SYNPR: variants seen among roughly 807,000 people sequenced by gnomAD.
SYNPR encodes the protein synaptoporin.
In SYNPR, 23 loss-of-function variants were observed where a neutral mutation model predicts 32.9. The observed-to-expected ratio is 0.70, with a 90% CI of 0.50 to 0.99. The LOEUF is 0.99. SYNPR is among the 50% of genes least tolerant of loss of function. The pLI, the probability that SYNPR is intolerant of heterozygous loss-of-function variation, is 0.00. For synonymous variants in SYNPR, 146 were observed against 135.9 expected, an observed-to-expected ratio of 1.07 and a Z score of -0.52; for missense variants, 318 against 349.3, an observed-to-expected ratio of 0.91 and a Z score of 0.71.
intron 3 of SYNPR, among the ~76,000 whole-genome samples, chr3:63,518,972 G>T (rs1358153317): frequency 6.6e-6 from 1 of 152,084 alleles, no homozygotes; most frequent in Non-Finnish European, 1.5e-5. Flanking sequence ...TAACATCAAG[G>T]GATGATGAAT....
intron 2 of SYNPR, among the ~76,000 whole-genome samples, chr3:63,435,828 C>G (rs538823133): frequency 6.6e-6 from 1 of 152,122 alleles, no homozygotes; most frequent in Admixed American, 6.5e-5. Flanking sequence ...GTTCATATAC[C>G]TACCTTTATA....
chr3:63,454,227 T>C (rs544785443), intron 2 of SYNPR, among the ~76,000 whole-genome samples: 1 of 152,268 alleles, frequency 6.6e-6, no homozygotes, highest in African/African-American at 2.4e-5. Context: ...TTCTTTCAAA[T>C]ACATATTTTA....
At chr3:63,302,156 A>T (rs1575591368) in intron 2 of SYNPR, among the ~76,000 whole-genome samples, 1 of 152,168 alleles carries the variant, frequency 6.6e-6, no homozygotes, top group East Asian at 1.9e-4. Flanking sequence ...CAAATTCTCC[A>T]GTTATTCCTC....
Position 63,612,652 on chromosome 3 carries a change from C to A in SYNPR, c.601-2572C>A, listed in dbSNP as rs144167147. On this transcript the variant is annotated intron_variant, in intron 5 of 5. Coordinates refer to ENST00000478300, the MANE Select transcript of SYNPR (RefSeq NM_001130003.2). ...CCCTAAAATGTGCCAGCCAAGAGAT[C>A]TGTGATGCTAGAGTAAAAAATCAGT... Among the ~76,000 whole-genome samples, 512 of 152,316 alleles carry A rather than the reference C, an allele frequency of 3.4e-3. 3 individuals are homozygous for A. The highest frequency in any genetic ancestry group is 3.8e-3 in the Non-Finnish European group (258 of 68,022).
chr3:63,502,753 T>C (rs893650937), intron 3 of SYNPR, among the ~76,000 whole-genome samples: 6 of 152,268 alleles, frequency 3.9e-5, no homozygotes, highest in African/African-American at 1.2e-4. Context: ...CACTTAATAA[T>C]ATTCCATTGG....
At chr3:63,609,983 A>G (rs1345014749) in intron 5 of SYNPR, among the ~76,000 whole-genome samples, 2 of 152,198 alleles carry the variant, frequency 1.3e-5, no homozygotes, top group Non-Finnish European at 2.9e-5. Flanking sequence ...TTGAGGGCAT[A>G]CAAGTTCCTG....
At chr3:63,510,621 G>A (rs189892203) in intron 3 of SYNPR, among the ~76,000 whole-genome samples, 162 of 152,148 alleles carry the variant, frequency 1.1e-3, no homozygotes, top group Middle Eastern at 3.4e-3. Flanking sequence ...TTACTTTCCC[G>A]GAGATTTGAA....
At chr3:63,240,584 T>C (rs745641960) in intron 1 of SYNPR, among the ~76,000 whole-genome samples, 3 of 152,060 alleles carry the variant, frequency 2.0e-5, no homozygotes, top group Non-Finnish European at 4.4e-5. Context: ...AGAGGATTGA[T>C]AAATGACAAT....
chr3:63,368,687 A>T (rs552768019), intron 2 of SYNPR, among the ~76,000 whole-genome samples: 2 of 152,302 alleles, frequency 1.3e-5, no homozygotes, highest in South Asian at 4.1e-4. Context: ...TTTCAATCAG[A>T]GGTGGCAGTG....
At chr3:63,311,526 A>G (rs1187944455) in intron 2 of SYNPR, among the ~76,000 whole-genome samples, 4 of 152,010 alleles carry the variant, frequency 2.6e-5, no homozygotes, top group South Asian at 4.2e-4. Flanking sequence ...GCTTTTTATA[A>G]GACTCTAAGG....
chr3:63,417,010 C>T (rs1179825935), intron 2 of SYNPR, among the ~76,000 whole-genome samples: 1 of 152,160 alleles, frequency 6.6e-6, no homozygotes, highest in Non-Finnish European at 1.5e-5. Context: ...CCAACAGTCC[C>T]CCAAAGGCTT....
chr3:63,444,213 A>T (rs1700232452), intron 2 of SYNPR: 1 of 152,328 alleles, frequency 6.6e-6, no homozygotes, highest in African/African-American at 2.4e-5. Flanking sequence ...ATTAAATTTA[A>T]CTACTGCAAA....
chr3:63,426,862 G>A (rs1187533849), intron 2 of SYNPR: 1 of 152,068 alleles, frequency 6.6e-6, no homozygotes, highest in African/African-American at 2.4e-5. Flanking sequence ...TCTGGTGACA[G>A]AATTTCTTTT....
At chr3:63,230,913 A>G (rs1452232614) in intron 1 of SYNPR, among the ~76,000 whole-genome samples, 1 of 152,178 alleles carries the variant, frequency 6.6e-6, no homozygotes, top group East Asian at 1.9e-4. Context: ...TATATTATAT[A>G]TAAGGAGGAT....
At chr3:63,262,251 A>T (rs2086445365) in intron 2 of SYNPR, among the ~76,000 whole-genome samples, 1 of 152,316 alleles carries the variant, frequency 6.6e-6, no homozygotes, top group African/African-American at 2.4e-5. Context: ...TGAGGAAGAA[A>T]TAGGTGGAAA....
At chr3:63,337,408 T>C (rs943010671) in intron 2 of SYNPR, among the ~76,000 whole-genome samples, 7 of 152,172 alleles carry the variant, frequency 4.6e-5, no homozygotes, top group African/African-American at 1.4e-4. Flanking sequence ...CTTCATTCAC[T>C]GATCGTGGGA....
intron 4 of SYNPR, among the ~76,000 whole-genome samples, chr3:63,572,128 G>T (rs571840864): frequency 5.1e-4 from 77 of 152,220 alleles, no homozygotes; most frequent in Non-Finnish European, 8.8e-4. Context: ...TGTTCTTCTT[G>T]GGTGTCCTGG....
chr3:63,297,348 T>A (rs2086799657), intron 2 of SYNPR, among the ~76,000 whole-genome samples: 1 of 152,202 alleles, frequency 6.6e-6, no homozygotes, highest in South Asian at 2.1e-4. Context: ...TTTCCATATG[T>A]TTATGAATTT....
At chr3:63,416,885 C>T (rs553415962) in intron 2 of SYNPR, among the ~76,000 whole-genome samples, 174 of 152,290 alleles carry the variant, frequency 1.1e-3, no homozygotes, top group Non-Finnish European at 1.8e-3. Context: ...GTGCCTCCCA[C>T]AACACACGGA....
Sources: gnomAD v4.1 joint callset for allele counts (sites outside exome capture counted in the v4.1 genomes callset) on GRCh38, gnomAD v4.1.1 for gene constraint, MANE v1.5 for transcripts, NCBI Gene and HGNC (gene_info 2026-07-23, HGNC 2026-07-21) for gene names.